Variants in MED27 observed in about 807,000 individuals in gnomAD.
The protein encoded by MED27 is mediator of RNA polymerase II transcription subunit 27.
MED27 carries 30 observed loss-of-function variants against 38.2 expected under a neutral mutation model. The observed-to-expected ratio is 0.79, with a 90% CI of 0.59 to 1.07. The LOEUF (loss-of-function observed/expected upper bound fraction) is 1.07, where lower values mean the gene tolerates loss of function less well. MED27 is among the 50% of genes least tolerant of loss of function. MED27 has a pLI of 0.00. For synonymous variants in MED27, 122 were observed against 153.5 expected, an observed-to-expected ratio of 0.79 and a Z score of 1.52; for missense variants, 289 against 397.5, an observed-to-expected ratio of 0.73 and a Z score of 2.32.
At chr9:131,915,368 T>C (rs1404889152) in intron 4 of MED27, among the ~76,000 whole-genome samples, 1 of 152,154 alleles carries the variant, frequency 6.6e-6, no homozygotes, top group Non-Finnish European at 1.5e-5. Context: ...GAACTGGACA[T>C]AGATGGATGC....
chr9:131,983,892 T>C (rs1296179414), intron 3 of MED27, among the ~76,000 whole-genome samples: 1 of 152,218 alleles, frequency 6.6e-6, no homozygotes, highest in African/African-American at 2.4e-5. Flanking sequence ...CCAGCCATGA[T>C]AGTAGCTTGG....
At chr9:131,924,531 G>C (rs1830449189) in intron 4 of MED27, among the ~76,000 whole-genome samples, 1 of 152,000 alleles carries the variant, frequency 6.6e-6, no homozygotes, top group Non-Finnish European at 1.5e-5. Flanking sequence ...GCTGTCTTTT[G>C]ATTTTCTAAT....
At chr9:132,047,838 C>T (rs190572073) in intron 2 of MED27, among the ~76,000 whole-genome samples, 1 of 152,142 alleles carries the variant, frequency 6.6e-6, no homozygotes, top group African/African-American at 2.4e-5. Flanking sequence ...GTTTTCATTG[C>T]ATATCAAGAA....
chr9:131,964,543 C>G (rs1445533758), intron 3 of MED27, among the ~76,000 whole-genome samples: 1 of 151,886 alleles, frequency 6.6e-6, no homozygotes, highest in East Asian at 1.9e-4. Context: ...ATCACTCTAG[C>G]CAAGTATCAG....
chr9:131,965,013 A>T (rs1242461690), intron 3 of MED27, among the ~76,000 whole-genome samples: 15 of 152,164 alleles, frequency 9.9e-5, no homozygotes, highest in Non-Finnish European at 1.5e-5. Context: ...ACTTTTATTT[A>T]TCTGGATTTA....
At chr9:132,034,580 G>A (rs770766086) in intron 2 of MED27, among the ~76,000 whole-genome samples, 4 of 152,178 alleles carry the variant, frequency 2.6e-5, no homozygotes, top group Non-Finnish European at 5.9e-5. Flanking sequence ...AACTGAGCAC[G>A]TGATCAAGAA....
Position 132,003,953 on chromosome 9 carries a change from G to C in MED27, c.479+10384C>G, listed in dbSNP as rs1832297240. Among the ~76,000 whole-genome samples the C allele has an allele frequency of 6.6e-6, 1 of 151,262 alleles. No homozygotes were observed. The highest frequency in any genetic ancestry group is 2.4e-5 in the African/African-American group (1 of 41,170). ...TCTGGCCTGTGGAAAGTACATAAAG[G>C]CTTTCAGAGTGAACATACACACACA... On this transcript the variant is annotated intron_variant, in intron 3 of 7. Transcript: ENST00000292035. The surrounding 1 kb of genome is among the most constrained non-coding windows in gnomAD (Gnocchi z 4.2).
chr9:132,001,062 T>C (rs930084634), intron 3 of MED27, among the ~76,000 whole-genome samples: 5 of 151,656 alleles, frequency 3.3e-5, no homozygotes, highest in African/African-American at 1.2e-4. Context: ...ATCACACCAC[T>C]GCACTCCAGC....
At chr9:132,074,178 A>C (rs1432254046) in intron 2 of MED27, among the ~76,000 whole-genome samples, 5 of 152,216 alleles carry the variant, frequency 3.3e-5, no homozygotes, top group African/African-American at 7.2e-5. Flanking sequence ...GTGAAAAGCT[A>C]AATTCTTTCC....
chr9:131,922,615 A>AT (rs1830414764), intron 4 of MED27, among the ~76,000 whole-genome samples: 1 of 144,124 alleles, frequency 6.9e-6, no homozygotes, highest in Admixed American at 7.0e-5. Context: ...TAATTTTTGT[A>AT]TTTTTATTTT....
chr9:132,009,119 C>G (rs1303595007), intron 3 of MED27, among the ~76,000 whole-genome samples: 1 of 152,122 alleles, frequency 6.6e-6, no homozygotes, highest in East Asian at 1.9e-4. Context: ...TTGCTCCTAT[C>G]TCTACTCAGA....
intron 5 of MED27, among the ~76,000 whole-genome samples, chr9:131,884,710 T>A (rs976363959): frequency 2.0e-5 from 3 of 150,130 alleles, no homozygotes; most frequent in African/African-American, 7.4e-5. Context: ...CGGGTTCAAG[T>A]GATTCTCCTG....
chr9:131,930,032 C>CAGAGAGAGAGAGAGAGAGAGAG (rs112511169), intron 4 of MED27, among the ~76,000 whole-genome samples: 4 of 151,204 alleles, frequency 2.6e-5, no homozygotes, highest in African/African-American at 9.7e-5. Flanking sequence ...TGGCTTAGCA[C>CAGAGAGAGAGAGAGAGAGAGAG]AGAGAGAGAG....
chr9:132,078,083 GATAAA>G (rs1226838661), intron 1 of MED27, among the ~76,000 whole-genome samples: 3 of 152,176 alleles, frequency 2.0e-5, no homozygotes, highest in Non-Finnish European at 2.9e-5. Flanking sequence ...ACAAAGAAGA[GATAAA>G]ATAAACAAAT....
At chr9:131,926,097 G>A (rs769151185) in intron 4 of MED27, among the ~76,000 whole-genome samples, 21 of 152,242 alleles carry the variant, frequency 1.4e-4, no homozygotes, top group African/African-American at 5.1e-4. Context: ...TGGCCACCCC[G>A]CTTCTGTTCT....
rs186001037 is a variant in MED27, at chr9:131,876,571, G to C, written c.723+7487C>G. Among the ~76,000 whole-genome samples, 191 of 152,268 alleles carry C rather than the reference G, an allele frequency of 1.3e-3. 2 individuals carry two copies. The highest frequency in any genetic ancestry group is 7.2e-4 in the Non-Finnish European group (49 of 68,014). On this transcript the variant is annotated intron_variant, in intron 6 of 7. Transcript: ENST00000292035. ...TTAAGAGAGAAGGTGGCGGTAAAAG[G>C]GTTTTCGACTGTTGGATTAAGCCTA... is the stretch of plus-strand genomic sequence containing the variant.
intron 6 of MED27, among the ~76,000 whole-genome samples, chr9:131,874,009 GCCACT>G (rs1416964912): frequency 6.6e-6 from 1 of 152,162 alleles, no homozygotes; most frequent in Admixed American, 6.5e-5. Flanking sequence ...ACCCCCGCTG[GCCACT>G]CCACAGCCAC....
rs1801067874 is a variant in MED27 at position 131,862,733 on chromosome 9, A to G, written c.801+330T>C. Among the ~76,000 whole-genome samples, 4 of 152,216 alleles carry G rather than the reference A, an allele frequency of 2.6e-5. No individual in the cohort carries two copies. In the South Asian group the frequency reaches 6.2e-4, roughly 24 times the overall value. On this transcript the variant is annotated intron_variant, in intron 7 of 7. Transcript: ENST00000292035. This position sits in a 1 kb window ranked among gnomAD's most constrained non-coding sequence, Gnocchi z 4.6. ...GCACGATCTGTTAATTCACTGCTAC[A>G]TGCTCTGTGCCAACCACAGGGCCTG...
intron 2 of MED27, among the ~76,000 whole-genome samples, chr9:132,055,384 A>G (rs970847680): frequency 3.9e-5 from 6 of 152,256 alleles, no homozygotes; most frequent in African/African-American, 1.4e-4. Context: ...GCCTAAGCCC[A>G]GATGGAGCTT....
Sources: gnomAD v4.1 joint callset for allele counts (sites outside exome capture counted in the v4.1 genomes callset) on GRCh38, gnomAD v4.1.1 for gene constraint, Gnocchi (gnomAD v3.1) non-coding constraint, MANE v1.5 for transcripts, NCBI Gene and HGNC (gene_info 2026-07-23, HGNC 2026-07-21) for gene names.